The following CCNB3 variants were observed in gnomAD, a reference collection of about 807,000 sequenced individuals.
CCNB3 encodes G2/mitotic-specific cyclin-B3.
Under a neutral mutation model 68.0 loss-of-function variants are expected in CCNB3, and 12 were observed. That is an observed-to-expected ratio of 0.18 (90% confidence interval 0.11 to 0.29). The LOEUF (loss-of-function observed/expected upper bound fraction) is 0.29. Among genes scored for constraint, CCNB3 ranks in the 10% least tolerant of loss-of-function variants. The pLI, the probability that CCNB3 is intolerant of heterozygous loss-of-function variation, is 1.00. For synonymous variants in CCNB3, 354 were observed against 388.9 expected (o/e 0.91, Z 1.06); for missense variants, 904 against 993.1 (o/e 0.91, Z 1.21).
intron 5 of CCNB3, among the ~76,000 whole-genome samples, chrX:50,296,100 G>C (rs1936452958): frequency 9.0e-6 from 1 of 110,731 alleles, no homozygotes; most frequent in Non-Finnish European, 1.9e-5. Flanking sequence ...TCATCATTCT[G>C]ACTTTATTTT....
intron 5 of CCNB3, among the ~76,000 whole-genome samples, chrX:50,303,424 G>T (rs1435256718): frequency 9.1e-6 from 1 of 109,516 alleles, no homozygotes; most frequent in Non-Finnish European, 1.9e-5. Context: ...GGGATTACAG[G>T]AGTGAGCCAC....
chrX:50,351,114 T>C lies in CCNB3; in HGVS notation c.3961-127T>C, dbSNP rs995198742. The C allele has an allele frequency of 9.6e-6, 7 of 725,630 alleles. No individual in the cohort carries two copies. The South Asian group carries it at 1.8e-4, about 19-fold the overall frequency. The allele number at this position is 725,630 out of a possible 1,213,427, so 59.8% of individuals were successfully genotyped here. ...TTGATCAGCGTCCAGATGGTGTGAG[T>C]CTTTGAAATGTTTTGAATGTCATCT... On this transcript the variant is annotated intron_variant, in intron 11 of 12. Transcript: ENST00000376042.
intron 1 of CCNB3, among the ~76,000 whole-genome samples, chrX:50,227,703 AAT>A (rs1203275531): frequency 6.8e-4 from 65 of 95,376 alleles, no homozygotes; most frequent in African/African-American, 2.3e-3. Context: ...ATATAGAGAG[AAT>A]ATATATATAA....
chrX:50,297,449 G>GTAT (rs1491569328), intron 5 of CCNB3, among the ~76,000 whole-genome samples: 4 of 111,325 alleles, frequency 3.6e-5, no homozygotes, highest in African/African-American at 1.3e-4. Flanking sequence ...TTGATGTGTG[G>GTAT]TATTATTTCT....
chrX:50,346,842 T>A (rs781996254), intron 10 of CCNB3, 35 bp downstream of exon 10: 73 of 1,182,528 alleles, frequency 6.2e-5, no homozygotes, highest in Non-Finnish European at 6.7e-5. Context: ...ATTCTCCCAC[T>A]GCTGAGTTAG....
At chrX:50,322,128 A>G (rs1922051081) in intron 8 of CCNB3, among the ~76,000 whole-genome samples, 1 of 104,419 alleles carries the variant, frequency 9.6e-6, no homozygotes, top group African/African-American at 3.5e-5. Flanking sequence ...ATCATAAGCC[A>G]AAAGAACAAA....
At chrX:50,214,509 T>TA (rs1935535542) in intron 1 of CCNB3, among the ~76,000 whole-genome samples, 25 of 68,047 alleles carry the variant, frequency 3.7e-4, no homozygotes, top group East Asian at 5.4e-4. Flanking sequence ...TATATATATA[T>TA]TTTAGCTGTG....
chrX:50,228,439 A>G (rs1164807224), intron 1 of CCNB3, among the ~76,000 whole-genome samples: 8 of 91,513 alleles, frequency 8.7e-5, no homozygotes, highest in African/African-American at 3.1e-4. Flanking sequence ...TATAGAGGAT[A>G]TAGCTATATA....
chrX:50,331,799 A>G (rs1366345377), intron 8 of CCNB3, among the ~76,000 whole-genome samples: 1 of 111,585 alleles, frequency 9.0e-6, no homozygotes, highest in African/African-American at 3.3e-5. Context: ...GAACTAAGAT[A>G]TTTACTCGAG....
At chrX:50,227,902 A>G (rs1253868043) in intron 1 of CCNB3, among the ~76,000 whole-genome samples, 1 of 84,746 alleles carries the variant, frequency 1.2e-5, no homozygotes, top group Non-Finnish European at 2.2e-5. Context: ...ATAAATATAT[A>G]GAGAGAATAT....
At chrX:50,342,467 T>G in intron 9 of CCNB3, 128 bp downstream of exon 9, 1 of 627,417 alleles carries the variant, frequency 1.6e-6, no homozygotes, top group Non-Finnish European at 2.3e-6. Flanking sequence ...ATGGACTGCT[T>G]ATACTATGGT....
At chrX:50,283,412 T>C (rs12009873) in intron 1 of CCNB3, among the ~76,000 whole-genome samples, 3,820 of 111,717 alleles carry the variant, frequency 0.034, 171 homozygotes, top group African/African-American at 0.12. Context: ...AAAATAGAAT[T>C]GTACCTGCCT....
chrX:50,311,122 A>G lies in CCNB3; in HGVS notation c.2953A>G (p.Ile985Val). 2 of 1,210,613 alleles carry G rather than the reference A, an allele frequency of 1.7e-6. No homozygotes were observed. The highest frequency in any genetic ancestry group is 2.2e-6 in the Non-Finnish European group (2 of 895,298). ...PNVSSTAPES[I>V]TSKSSIATMT... ...TGTGTCTAGCACTGCCCCTGAATCCATAACCAGCAAGTCCAGCATTGCTAC... is the reference window on the plus strand; with the variant it reads ...TGTGTCTAGCACTGCCCCTGAATCCGTAACCAGCAAGTCCAGCATTGCTAC... The change falls in exon 6 of 13, where the codon ATA (isoleucine) becomes GTA (valine). Residue 985 changes from isoleucine (I) to valine (V), a missense_variant. By Grantham distance (29) the Ile-to-Val change is conservative. Around this residue, in one of 2 missense-constraint regions of CCNB3, gnomAD observed 285 missense variants for 383.4 expected, o/e 0.74. Coordinates refer to ENST00000376042, the MANE Select transcript of CCNB3 (RefSeq NM_033031.3).
At chrX:50,208,104 G>A (rs781848244) in intron 1 of CCNB3, among the ~76,000 whole-genome samples, 16 of 112,326 alleles carry the variant, frequency 1.4e-4, no homozygotes, top group African/African-American at 4.8e-4. Context: ...TGTGAGGGAA[G>A]CTCATTGGAG....
intron 9 of CCNB3, among the ~76,000 whole-genome samples, chrX:50,343,125 T>C (rs1357939773): frequency 8.9e-6 from 1 of 112,004 alleles, no homozygotes; most frequent in African/African-American, 3.2e-5. Flanking sequence ...GACAGCTCCA[T>C]GCATATTATG....
intron 4 of CCNB3, among the ~76,000 whole-genome samples, chrX:50,293,274 C>T (rs2147033029): frequency 9.0e-6 from 1 of 111,281 alleles, no homozygotes; most frequent in South Asian, 3.8e-4. Context: ...ATTAGTCTAG[C>T]TAACAGTCTG....
At chrX:50,343,918 A>G (rs782737063) in intron 9 of CCNB3, among the ~76,000 whole-genome samples, 240 of 111,965 alleles carry the variant, frequency 2.1e-3, no homozygotes, top group Non-Finnish European at 3.4e-3. Flanking sequence ...GTACAGGTAC[A>G]GTGTTTATAA....
chrX:50,342,692 T>C (rs1437077649), intron 9 of CCNB3, among the ~76,000 whole-genome samples: 2 of 111,609 alleles, frequency 1.8e-5, no homozygotes, highest in Non-Finnish European at 3.8e-5. Context: ...ATGTGTTCAC[T>C]GTACTTTTAA....
intron 1 of CCNB3, among the ~76,000 whole-genome samples, chrX:50,227,169 A>G (rs1190782598): frequency 3.6e-5 from 3 of 83,286 alleles, no homozygotes; most frequent in Non-Finnish European, 6.5e-5. Flanking sequence ...TAGAATATAT[A>G]TATAGAATAT....
Sources: allele counts gnomAD v4.1 joint callset (sites outside exome capture counted in the v4.1 genomes callset), GRCh38; gene constraint gnomAD v4.1.1; regional missense constraint gnomAD v4.1.1; transcripts MANE v1.5; gene names NCBI Gene and HGNC (gene_info 2026-07-23, HGNC 2026-07-21).